CAMK1D: variants seen among roughly 807,000 people sequenced by gnomAD.
CAMK1D encodes the protein calcium/calmodulin-dependent protein kinase type 1D.
Under a neutral mutation model 47.7 loss-of-function variants are expected in CAMK1D, and 9 were observed. The observed-to-expected ratio is 0.19, with a 90% CI of 0.11 to 0.33. The LOEUF (loss-of-function observed/expected upper bound fraction) is 0.33, where lower values mean the gene tolerates loss of function less well. Among genes scored for constraint, CAMK1D ranks in the 10% least tolerant of loss-of-function variants. The pLI is 1.00. For synonymous variants in CAMK1D, 184 were observed against 184.9 expected (o/e 0.99, Z 0.04); for missense variants, 291 against 488.7 (o/e 0.60, Z 3.81).
chr10:12,586,804 A>T (rs1011987506), intron 2 of CAMK1D, among the ~76,000 whole-genome samples: 21 of 152,374 alleles, frequency 1.4e-4, no homozygotes, highest in Admixed American at 7.8e-4. Context: ...AAAAAAGAGC[A>T]GTCTTTTAAG....
intron 2 of CAMK1D, among the ~76,000 whole-genome samples, chr10:12,646,582 C>G (rs538837374): frequency 3.3e-5 from 5 of 152,208 alleles, no homozygotes; most frequent in African/African-American, 1.2e-4. Flanking sequence ...ATCTCAGTTT[C>G]TCCTTGTAAA....
intron 6 of CAMK1D, among the ~76,000 whole-genome samples, chr10:12,799,180 T>C (rs1838320505): frequency 6.6e-6 from 1 of 152,156 alleles, no homozygotes; most frequent in Non-Finnish European, 1.5e-5. Context: ...CCATGTAATG[T>C]GGTGCACGGT....
intron 3 of CAMK1D, among the ~76,000 whole-genome samples, chr10:12,701,794 G>T (rs189061741): frequency 2.1e-4 from 32 of 152,322 alleles, no homozygotes; most frequent in African/African-American, 7.2e-4. Context: ...GATCTTAGGG[G>T]CTGAACGTGA....
intron 3 of CAMK1D, among the ~76,000 whole-genome samples, chr10:12,759,516 A>G (rs1273390410): frequency 6.6e-6 from 1 of 152,212 alleles, no homozygotes; most frequent in African/African-American, 2.4e-5. Context: ...AGTTGGTGTC[A>G]GGAGGAGTAT....
intron 1 of CAMK1D, among the ~76,000 whole-genome samples, chr10:12,539,115 G>A (rs1836081103): frequency 1.3e-5 from 2 of 152,062 alleles, no homozygotes; most frequent in South Asian, 4.1e-4. Flanking sequence ...CTCCATTAAT[G>A]GATATTTAGG....
At chr10:12,510,750 G>A (rs1835017019) in intron 1 of CAMK1D, among the ~76,000 whole-genome samples, 3 of 152,188 alleles carry the variant, frequency 2.0e-5, no homozygotes, top group Admixed American at 2.0e-4. Context: ...AGGAAGTGGT[G>A]GGGACACAAA....
At chr10:12,360,271 C>CA (rs1588402463) in intron 1 of CAMK1D, among the ~76,000 whole-genome samples, 1 of 152,170 alleles carries the variant, frequency 6.6e-6, no homozygotes, top group East Asian at 1.9e-4. Context: ...AAACCTCAGA[C>CA]AGTTTCTGAT....
At chr10:12,519,120 AC>A (rs1412991584) in intron 1 of CAMK1D, among the ~76,000 whole-genome samples, 1 of 75,960 alleles carries the variant, frequency 1.3e-5, no homozygotes, top group African/African-American at 5.4e-5. Flanking sequence ...CGGGGGGCTG[AC>A]CCCCCCACCA....
chr10:12,808,789 C>A (rs1389554236), intron 6 of CAMK1D, among the ~76,000 whole-genome samples: 1 of 151,782 alleles, frequency 6.6e-6, no homozygotes, highest in Non-Finnish European at 1.5e-5. Flanking sequence ...AAAAAACAAA[C>A]AAATAAACAA....
intron 1 of CAMK1D, among the ~76,000 whole-genome samples, chr10:12,466,357 G>A (rs935583478): frequency 3.3e-5 from 5 of 152,104 alleles, no homozygotes; most frequent in Admixed American, 6.5e-5. Context: ...GCAGTGAGCC[G>A]AGATCGCACC....
intron 6 of CAMK1D, among the ~76,000 whole-genome samples, chr10:12,812,490 C>T (rs1362210228): frequency 2.0e-5 from 3 of 152,172 alleles, no homozygotes; most frequent in African/African-American, 7.2e-5. Context: ...CTGGCAGGCA[C>T]CTGTAATCCC....
intron 2 of CAMK1D, among the ~76,000 whole-genome samples, chr10:12,647,176 G>A (rs2132500931): frequency 9.3e-6 from 1 of 107,210 alleles, no homozygotes; most frequent in South Asian, 3.3e-4. Flanking sequence ...TTGAAATGGA[G>A]TCTCACTCTT....
intron 3 of CAMK1D, among the ~76,000 whole-genome samples, chr10:12,669,737 A>G (rs1371172562): frequency 6.6e-6 from 1 of 152,158 alleles, no homozygotes; most frequent in Non-Finnish European, 1.5e-5. Flanking sequence ...TTTACTTATG[A>G]GAGATTATTT....
Position 12,560,552 on chromosome 10 carries a change from T to G in CAMK1D, c.224+7196T>G, listed in dbSNP as rs1229287142. 8.5e-5 allele frequency among the ~76,000 whole-genome samples: 9 copies of G among 105,940 alleles called. 1 individual carries two copies. Among genetic ancestry groups the G allele is most frequent in the Admixed American group, 3.3e-4 (3 of 8,998 alleles). The allele number at this position is 105,940 out of a possible 152,430, so 69.5% of individuals were successfully genotyped here. A position where few individuals can be genotyped will look rare whatever the true frequency, so the allele number is the denominator to read the frequency against. The stretch of plus-strand genomic sequence containing the variant: ...TGGGCAACGAGAGGAAAACTCTATC[T>G]CGGAAAAAAAAAAAAAAAAAGAAGA... On this transcript the variant is annotated intron_variant, in intron 2 of 10. Coordinates refer to ENST00000619168, the MANE Select transcript of CAMK1D (RefSeq NM_153498.4).
In CAMK1D at chr10:12,620,186, C is replaced by CAAAAAAAAAAAAAAAAAAAAAAAA. The variant is rs56027797; in HGVS notation, c.225-46541_225-46518dup. Among the ~76,000 whole-genome samples the CAAAAAAAAAAAAAAAAAAAAAAAA allele has an allele frequency of 7.3e-4, 63 of 86,578 alleles. 1 individual carries two copies. The highest frequency in any genetic ancestry group is 1.0e-3 in the Non-Finnish European group (47 of 47,084). 56.8% of individuals were successfully genotyped at this position (86,578 alleles called of 152,430 possible). A position where few individuals can be genotyped will look rare whatever the true frequency, so the allele number is the denominator to read the frequency against. On this transcript the variant is annotated intron_variant, in intron 2 of 10. Coordinates refer to ENST00000619168, the MANE Select transcript of CAMK1D (RefSeq NM_153498.4). Reference sequence around the variant, plus strand: ...TGGGCGACAGAGCGAGACTCCGTCTCAAAAAAAAAAAAAAAAAAAAAAAAA... The same window carrying CAAAAAAAAAAAAAAAAAAAAAAAA: ...TGGGCGACAGAGCGAGACTCCGTCTCAAAAAAAAAAAAAAAAAAAAAAAAAAAAAAAAAAAAAAAAAAAAAAAAA...
At chr10:12,814,012 C>T (rs1342632281) in intron 6 of CAMK1D, among the ~76,000 whole-genome samples, 183 bp from the exon 7 acceptor site, 2 of 151,028 alleles carry the variant, frequency 1.3e-5, no homozygotes, top group African/African-American at 4.9e-5. Flanking sequence ...TGGTCTGGAC[C>T]TCCTGGCCTC....
chr10:12,573,830 A>AATTTTTT (rs1588648909), intron 2 of CAMK1D, among the ~76,000 whole-genome samples: 3 of 46,174 alleles, frequency 6.5e-5, no homozygotes, highest in Admixed American at 2.7e-4. Context: ...TATTAAAAAA[A>AATTTTTT]CTTTTTTTTT....
chr10:12,637,273 A>G (rs1165647618), intron 2 of CAMK1D, among the ~76,000 whole-genome samples: 3 of 152,196 alleles, frequency 2.0e-5, no homozygotes, highest in Admixed American at 2.0e-4. Context: ...CGCCACGTCC[A>G]TACTTTATTT....
At chr10:12,571,804 A>G (rs1020769660) in intron 2 of CAMK1D, among the ~76,000 whole-genome samples, 1 of 152,184 alleles carries the variant, frequency 6.6e-6, no homozygotes, top group Non-Finnish European at 1.5e-5. Context: ...TCCTTGCTAC[A>G]TTGTAGGCAT....
Sources: allele counts gnomAD v4.1 joint callset (sites outside exome capture counted in the v4.1 genomes callset), GRCh38; gene constraint gnomAD v4.1.1; transcripts MANE v1.5; gene names NCBI Gene and HGNC (gene_info 2026-07-23, HGNC 2026-07-21).